Variants in ZFYVE9 observed in about 807,000 individuals in gnomAD.
ZFYVE9 encodes zinc finger FYVE-type containing 9, also known as zinc finger FYVE domain-containing protein 9.
Under a neutral mutation model 126.7 loss-of-function variants are expected in ZFYVE9, and 43 were observed. That is an observed-to-expected ratio of 0.34 (90% CI 0.27 to 0.44). ZFYVE9 has a LOEUF of 0.44. ZFYVE9 is among the 20% of genes least tolerant of loss of function. The pLI, the probability that ZFYVE9 is intolerant of heterozygous loss-of-function variation, is 1.00. For synonymous variants in ZFYVE9, 521 were observed against 597.4 expected (o/e 0.87, Z 1.87); for missense variants, 1,476 against 1,697.0 (o/e 0.87, Z 2.29).
Position 52,346,042 on chromosome 1 carries a change from T to C in ZFYVE9, c.4117-18T>C, listed in dbSNP as rs377103784. ...TCTCTGTTCAGTAACCTCTCCTCCT[T>C]TTCTCTCTGTGGTATAGGTTGGCTA... On this transcript the variant is annotated intron_variant, in intron 18 of 18. Coordinates refer to ENST00000287727, the MANE Select transcript of ZFYVE9 (RefSeq NM_004799.4). The C allele has an allele frequency of 1.2e-4, 182 of 1,564,372 alleles. No individual in the cohort carries two copies. Among genetic ancestry groups the C allele is most frequent in the Non-Finnish European group, 1.5e-4 (176 of 1,150,148 alleles).
intron 1 of ZFYVE9, among the ~76,000 whole-genome samples, chr1:52,194,356 A>G (rs1644841959): frequency 6.6e-6 from 1 of 152,176 alleles, no homozygotes; most frequent in Admixed American, 6.5e-5. Flanking sequence ...ATTTGACTAC[A>G]TAAAATGGAA....
At chr1:52,262,200 G>T (rs187899699) in intron 4 of ZFYVE9, among the ~76,000 whole-genome samples, 1 of 152,334 alleles carries the variant, frequency 6.6e-6, no homozygotes, top group Non-Finnish European at 1.5e-5. Flanking sequence ...GGGCAGAAGG[G>T]TGAGGAGTCT....
chr1:52,184,296 C>A (rs955708659), intron 1 of ZFYVE9, among the ~76,000 whole-genome samples: 1 of 148,414 alleles, frequency 6.7e-6, no homozygotes, highest in Non-Finnish European at 1.5e-5. Flanking sequence ...ATGATTTTGG[C>A]TCACTGCAAC....
chr1:52,307,228 CT>C (rs557514542), intron 13 of ZFYVE9, among the ~76,000 whole-genome samples: 8 of 151,406 alleles, frequency 5.3e-5, no homozygotes, highest in East Asian at 1.9e-4. Flanking sequence ...ATAGTTATTT[CT>C]TTTTTTTTGT....
chr1:52,147,881 T>G (rs1442088715), intron 1 of ZFYVE9, among the ~76,000 whole-genome samples: 1 of 152,166 alleles, frequency 6.6e-6, no homozygotes, highest in African/African-American at 2.4e-5. Flanking sequence ...ACTTGTTATC[T>G]GTTTTTTTGA....
Position 52,237,641 on chromosome 1 carries a change from C to T in ZFYVE9, c.224C>T (p.Ala75Val). The change falls in exon 4 of 19, where the codon GCT becomes GTT. Residue 75 changes from alanine (A) to valine (V), a missense_variant. Around this residue, in one of 2 missense-constraint regions of ZFYVE9, gnomAD observed 807 missense variants for 794.6 expected, o/e 1.02. Transcript: ENST00000287727. ...SQPQLKVFSL[A>V]HSAPLTTEEE... ...CCACAACTGAAAGTCTTCTCCCTGG[C>T]TCATTCAGCTCCCCTGACCACAGAG... 1 of 1,614,118 alleles carries T rather than the reference C, an allele frequency of 6.2e-7. No individual in the cohort carries two copies. The highest frequency in any genetic ancestry group is 1.7e-5 in the Admixed American group (1 of 60,012).
At chr1:52,184,755 G>A (rs1018659831) in intron 1 of ZFYVE9, among the ~76,000 whole-genome samples, 1 of 152,082 alleles carries the variant, frequency 6.6e-6, no homozygotes, top group Non-Finnish European at 1.5e-5. Flanking sequence ...GAAAAACTGA[G>A]TGCGGTGACC....
intron 1 of ZFYVE9, chr1:52,160,454 C>A (rs1232816471): frequency 7.0e-6 from 6 of 856,782 alleles, no homozygotes; most frequent in Non-Finnish European, 1.0e-5. Flanking sequence ...CTATGTGTGA[C>A]CTGTTACCAG....
intron 13 of ZFYVE9, among the ~76,000 whole-genome samples, chr1:52,322,567 G>T (rs959659773): frequency 6.6e-6 from 1 of 151,128 alleles, no homozygotes; most frequent in African/African-American, 2.4e-5. Flanking sequence ...TAGTAGAGAC[G>T]GGGTTTCACT....
intron 9 of ZFYVE9, among the ~76,000 whole-genome samples, chr1:52,281,293 C>T (rs1384108122): frequency 6.6e-6 from 1 of 152,028 alleles, no homozygotes; most frequent in African/African-American, 2.4e-5. Context: ...CCACTGCACC[C>T]AGCTAATTTT....
chr1:52,148,599 A>G (rs564749595), intron 1 of ZFYVE9, among the ~76,000 whole-genome samples: 2 of 151,298 alleles, frequency 1.3e-5, no homozygotes, highest in Admixed American at 1.3e-4. Flanking sequence ...TGGTGTGAGG[A>G]CTTCAGCTGT....
chr1:52,200,528 T>C (rs746685298), intron 1 of ZFYVE9, among the ~76,000 whole-genome samples: 1 of 152,168 alleles, frequency 6.6e-6, no homozygotes, highest in Non-Finnish European at 1.5e-5. Context: ...TTATCAATTC[T>C]TGTTTTCATA....
At chr1:52,244,250 G>A (rs924092693) in intron 4 of ZFYVE9, among the ~76,000 whole-genome samples, 9 of 152,306 alleles carry the variant, frequency 5.9e-5, no homozygotes, top group East Asian at 3.9e-4. Flanking sequence ...TGGAGATGGT[G>A]GTTATGGATG....
intron 1 of ZFYVE9, among the ~76,000 whole-genome samples, chr1:52,177,684 G>A (rs1042042703): frequency 6.6e-6 from 1 of 152,214 alleles, no homozygotes; most frequent in African/African-American, 2.4e-5. Flanking sequence ...CTGAAATGGT[G>A]ACACTTTTGT....
chr1:52,321,471 TA>T (rs1265422509), intron 13 of ZFYVE9, among the ~76,000 whole-genome samples: 1 of 152,288 alleles, frequency 6.6e-6, no homozygotes, highest in Non-Finnish European at 1.5e-5. Context: ...AGTTTATACA[TA>T]AAAGACAGTA....
At chr1:52,184,357 G>C (rs1241989621) in intron 1 of ZFYVE9, among the ~76,000 whole-genome samples, 4 of 147,324 alleles carry the variant, frequency 2.7e-5, no homozygotes, top group African/African-American at 1.0e-4. Context: ...CTCCCAAGTA[G>C]CTGGGAGTAC....
chr1:52,247,181 G>GGTA (rs993730662), intron 4 of ZFYVE9, among the ~76,000 whole-genome samples: 1 of 152,098 alleles, frequency 6.6e-6, no homozygotes, highest in Non-Finnish European at 1.5e-5. Context: ...GAAGCAGAAA[G>GGTA]GTAGTAGTAG....
At chr1:52,251,035 G>A (rs1645440120) in intron 4 of ZFYVE9, among the ~76,000 whole-genome samples, 1 of 131,104 alleles carries the variant, frequency 7.6e-6, no homozygotes, top group Admixed American at 7.3e-5. Context: ...TTTTGTTGTT[G>A]TTGTTGTTGT....
chr1:52,202,826 C>T (rs1316293943), intron 1 of ZFYVE9, among the ~76,000 whole-genome samples: 1 of 151,546 alleles, frequency 6.6e-6, no homozygotes. Flanking sequence ...GCTGGAATTA[C>T]AGGCATGCAC....
Sources: gnomAD v4.1 joint callset for allele counts (sites outside exome capture counted in the v4.1 genomes callset) on GRCh38, gnomAD v4.1.1 for gene constraint, gnomAD v4.1.1 regional missense constraint, MANE v1.5 for transcripts, NCBI Gene and HGNC (gene_info 2026-07-23, HGNC 2026-07-21) for gene names.